CSMD1: variants seen among roughly 807,000 people sequenced by gnomAD.
CSMD1 encodes the protein CUB and sushi domain-containing protein 1.
In CSMD1, 213 loss-of-function variants were observed where a neutral mutation model predicts 417.5. The observed-to-expected ratio is 0.51, with a 90% CI of 0.46 to 0.57. The LOEUF (loss-of-function observed/expected upper bound fraction) is 0.57, where lower values mean the gene tolerates loss of function less well. Among genes scored for constraint, CSMD1 ranks in the 20% least tolerant of loss-of-function variants. CSMD1 has a pLI of 0.00. For missense variants in CSMD1, 6,923 were observed against 4,529.7 expected (o/e 1.53, Z -15.17); for synonymous variants, 2,862 against 1,736.8 (o/e 1.65, Z -16.11).
chr8:3,188,442 G>C (rs954429408), intron 35 of CSMD1, among the ~76,000 whole-genome samples: 1 of 150,750 alleles, frequency 6.6e-6, no homozygotes, highest in Admixed American at 6.6e-5. Flanking sequence ...TAGCAGCTAG[G>C]ATTACAGGCG....
intron 1 of CSMD1, among the ~76,000 whole-genome samples, chr8:4,890,593 C>T (rs936170050): frequency 1.3e-5 from 2 of 148,556 alleles, no homozygotes; most frequent in Non-Finnish European, 3.0e-5. Flanking sequence ...CAGGTGAGAG[C>T]GTGACTCTGA....
At chr8:3,876,158 A>C (rs1805802198) in intron 5 of CSMD1, among the ~76,000 whole-genome samples, 1 of 152,228 alleles carries the variant, frequency 6.6e-6, no homozygotes, top group African/African-American at 2.4e-5. Flanking sequence ...AACCAGTGAC[A>C]GTCATGTTTT....
intron 3 of CSMD1, among the ~76,000 whole-genome samples, chr8:4,118,773 C>T (rs940180682): frequency 2.6e-5 from 4 of 152,146 alleles, no homozygotes; most frequent in African/African-American, 4.8e-5. Flanking sequence ...AATCGTTCTA[C>T]TATAAAGACA....
At chr8:4,953,824 G>C (rs13272409) in intron 1 of CSMD1, among the ~76,000 whole-genome samples, 81,790 of 151,946 alleles carry the variant, frequency 0.54, 23,842 homozygotes, top group Non-Finnish European at 0.65. Context: ...ATCTGCCACA[G>C]GAAGAATTAT....
chr8:3,629,118 C>A (rs1796644553), intron 7 of CSMD1, among the ~76,000 whole-genome samples: 1 of 152,076 alleles, frequency 6.6e-6, no homozygotes, highest in Non-Finnish European at 1.5e-5. Context: ...AGAGGAGACA[C>A]CTCAGGCATG....
intron 3 of CSMD1, among the ~76,000 whole-genome samples, chr8:4,048,954 C>G (rs571526866): frequency 3.9e-5 from 6 of 152,150 alleles, no homozygotes; most frequent in African/African-American, 1.4e-4. Context: ...TACTATAAAT[C>G]TATCGTATAA....
chr8:4,285,146 G>C (rs1478321355), intron 3 of CSMD1, among the ~76,000 whole-genome samples: 1 of 152,268 alleles, frequency 6.6e-6, no homozygotes, highest in Admixed American at 6.5e-5. Context: ...AGATATTTTG[G>C]TTGTCCACAA....
chr8:4,481,055 T>C (rs1374709210), intron 2 of CSMD1, among the ~76,000 whole-genome samples: 4 of 152,236 alleles, frequency 2.6e-5, no homozygotes, highest in Non-Finnish European at 5.9e-5. Flanking sequence ...AGTGACAAGA[T>C]ATGAATATAT....
intron 1 of CSMD1, among the ~76,000 whole-genome samples, chr8:4,795,045 G>A (rs980527): frequency 0.012 from 1,794 of 149,014 alleles, 31 homozygotes; most frequent in African/African-American, 0.042. Context: ...GGGTGGGTGT[G>A]TGTTTAAGTT....
intron 1 of CSMD1, among the ~76,000 whole-genome samples, chr8:4,732,817 T>A (rs373589624): frequency 6.6e-6 from 1 of 152,294 alleles, no homozygotes; most frequent in African/African-American, 2.4e-5. Context: ...AGGCAGTAAA[T>A]GAGCTTGGAA....
At chr8:3,816,836 C>T (rs994183332) in intron 5 of CSMD1, among the ~76,000 whole-genome samples, 1 of 151,986 alleles carries the variant, frequency 6.6e-6, no homozygotes, top group African/African-American at 2.4e-5. Context: ...CAGGTGTCTA[C>T]TAGGGGTTTG....
chr8:4,161,056 C>G (rs892953000), intron 3 of CSMD1, among the ~76,000 whole-genome samples: 2 of 151,932 alleles, frequency 1.3e-5, no homozygotes, highest in East Asian at 3.9e-4. Flanking sequence ...ACTGAGCAGT[C>G]CCAGATTTGC....
At chr8:4,769,756 G>A (rs940523798) in intron 1 of CSMD1, among the ~76,000 whole-genome samples, 5 of 152,150 alleles carry the variant, frequency 3.3e-5, no homozygotes, top group African/African-American at 4.8e-5. Flanking sequence ...ACAGCCTGCT[G>A]CCCCTCCCTT....
At chr8:4,014,923 C>A (rs959713510) in intron 4 of CSMD1, among the ~76,000 whole-genome samples, 1 of 152,114 alleles carries the variant, frequency 6.6e-6, no homozygotes, top group African/African-American at 2.4e-5. Flanking sequence ...TTTTTTAAGC[C>A]TGTTACAAGA....
In CSMD1 at chr8:4,749,070, G is replaced by C. The variant is rs142563585; in HGVS notation, c.86-111512C>G. 5.5e-3 allele frequency among the ~76,000 whole-genome samples: 836 copies of C among 152,316 alleles called. 12 individuals are homozygous for C. Among genetic ancestry groups the C allele is most frequent in the African/African-American group, 0.019 (796 of 41,546 alleles). On this transcript the variant is annotated intron_variant, in intron 1 of 69. Coordinates refer to ENST00000635120, the MANE Select transcript of CSMD1 (RefSeq NM_033225.6). ...TGCCTGTGTGCGTGTGTGTGTGTGT[G>C]AGCGCACGCTCGCCTGCCCATGCAG...
intron 59 of CSMD1, 117 bp from the exon 60 acceptor site, chr8:2,963,512 A>T (rs185871196): frequency 8.7e-4 from 760 of 876,492 alleles, no homozygotes; most frequent in Middle Eastern, 1.8e-3. Context: ...ATAGGTTTTT[A>T]AAAAAAAATA....
intron 2 of CSMD1, among the ~76,000 whole-genome samples, chr8:4,530,500 C>G (rs564977616): frequency 1.5e-4 from 22 of 151,234 alleles, no homozygotes; most frequent in African/African-American, 4.9e-4. Flanking sequence ...CCCTTTCCCC[C>G]GACCCCCTGA....
chr8:3,417,148 G>C (rs144280673), intron 12 of CSMD1, among the ~76,000 whole-genome samples: 1 of 152,174 alleles, frequency 6.6e-6, no homozygotes, highest in Non-Finnish European at 1.5e-5. Flanking sequence ...ATAGCAGGTT[G>C]CTGCAGTCTT....
At chr8:4,543,456 C>G (rs543135229) in intron 2 of CSMD1, among the ~76,000 whole-genome samples, 9 of 151,850 alleles carry the variant, frequency 5.9e-5, no homozygotes, top group African/African-American at 2.2e-4. Context: ...TCCTCCATGC[C>G]CTTGCATGAA....
Sources: allele counts gnomAD v4.1 joint callset (sites outside exome capture counted in the v4.1 genomes callset), GRCh38; gene constraint gnomAD v4.1.1; transcripts MANE v1.5; gene names NCBI Gene and HGNC (gene_info 2026-07-23, HGNC 2026-07-21).